Variants in LYST observed in about 807,000 individuals in gnomAD.
The protein encoded by LYST is lysosomal trafficking regulator, also known as lysosomal-trafficking regulator.
In LYST, 192 loss-of-function variants were observed where a neutral mutation model predicts 413.6. That is an observed-to-expected ratio of 0.46 (90% CI 0.41 to 0.52). The LOEUF is 0.52. Ranked by LOEUF, LYST falls within the 20% of genes least tolerant of loss-of-function variation. LYST has a pLI of 0.00. For synonymous variants in LYST, 1,525 were observed against 1,567.3 expected (o/e 0.97, Z 0.64); for missense variants, 3,815 against 4,499.9 (o/e 0.85, Z 4.35).
At chr1:235,857,498 T>C (rs1157004099) in intron 1 of LYST, among the ~76,000 whole-genome samples, 1 of 151,754 alleles carries the variant, frequency 6.6e-6, no homozygotes, top group Non-Finnish European at 1.5e-5. Context: ...AGCTTAGAAA[T>C]AGATGAGATC....
In LYST at chr1:235,810,251, A is replaced by G. The variant is rs1362701710; in HGVS notation, c.567T>C (p.His189=). 5 of 1,614,136 alleles carry G rather than the reference A, an allele frequency of 3.1e-6. No individual in the cohort carries two copies. The South Asian group carries it at 5.5e-5, about 18-fold the overall frequency. The stretch of plus-strand genomic sequence containing the variant: ...GTTTAGGAAACGATGTTAAAAAATG[A>G]TGCAGCAGATGGGGCCTTCTATGCT... The part of the protein sequence containing the change: ...MNKHRRPHLL[H]HFLTSFPKQD... The change falls in exon 5 of 53, where the codon CAT becomes CAC. Residue 189 remains histidine, a synonymous_variant. Coordinates refer to ENST00000389793, the MANE Select transcript of LYST (RefSeq NM_000081.4).
intron 14 of LYST, among the ~76,000 whole-genome samples, chr1:235,786,074 T>G (rs1246252144): frequency 1.3e-5 from 2 of 152,230 alleles, no homozygotes; most frequent in African/African-American, 4.8e-5. Context: ...AGCCACTTAA[T>G]TTAAATAATT....
chr1:235,762,492 G>A (rs1667691674), intron 22 of LYST, among the ~76,000 whole-genome samples: 1 of 152,164 alleles, frequency 6.6e-6, no homozygotes, highest in Non-Finnish European at 1.5e-5. Flanking sequence ...TAAATCAGAA[G>A]CTTGATGAAA....
intron 1 of LYST, among the ~76,000 whole-genome samples, chr1:235,874,686 A>C (rs1681065855): frequency 6.6e-6 from 1 of 152,224 alleles, no homozygotes; most frequent in Non-Finnish European, 1.5e-5. Context: ...TGGAGAATTT[A>C]AATAATCTTC....
intron 23 of LYST, 71 bp from the exon 24 acceptor site, chr1:235,757,529 G>T: frequency 9.0e-7 from 1 of 1,113,592 alleles, no homozygotes; most frequent in South Asian, 1.2e-5. Flanking sequence ...TAGGAACTGT[G>T]ACAAGTAGTA....
At chr1:235,723,335 T>C (rs937597603) in intron 39 of LYST, among the ~76,000 whole-genome samples, 1 of 152,134 alleles carries the variant, frequency 6.6e-6, no homozygotes, top group African/African-American at 2.4e-5. Context: ...GACATAAATG[T>C]GTAAGTTGTT....
Position 235,810,193 on chromosome 1 carries a change from C to T in LYST, c.625G>A (p.Ala209Thr). Residue 209 changes from alanine (A) to threonine (T), a missense_variant, in exon 5 of 53, where the codon GCA (alanine) becomes ACA (threonine). Coordinates refer to ENST00000389793, the MANE Select transcript of LYST (RefSeq NM_000081.4). Reference protein sequence around the residue: ...DHPKAKLDRLATKEQTPPDAM... With the variant: ...DHPKAKLDRLTTKEQTPPDAM... ...TCTGGAGGAGTCTGTTCTTTGGTTG[C>T]TAAGCGGTCAAGTTTAGCTTTGGGG... 6.2e-7 allele frequency: 1 copy of T among 1,614,108 alleles called. No homozygotes were observed. The highest frequency in any genetic ancestry group is 8.5e-7 in the Non-Finnish European group (1 of 1,179,980).
At chr1:235,849,171 G>T (rs1255958213) in intron 1 of LYST, among the ~76,000 whole-genome samples, 1 of 152,122 alleles carries the variant, frequency 6.6e-6, no homozygotes, top group Non-Finnish European at 1.5e-5. Flanking sequence ...AATCCACCAT[G>T]ATCAAGTGGG....
intron 3 of LYST, among the ~76,000 whole-genome samples, chr1:235,820,230 C>T (rs1644505725): frequency 6.6e-6 from 1 of 152,188 alleles, no homozygotes; most frequent in Admixed American, 6.5e-5. Flanking sequence ...GCTGAGATCA[C>T]AAACCGGACT....
At position 235,806,778 on chromosome 1, in the gene LYST, A is replaced by G; in HGVS notation, c.2364-6T>C. ...AAAACAAATCTCTTATTACCCTGTG[A>G]AAGAAAAAAAGCATGTAAAAAGGTT... On this transcript the variant is annotated splice_polypyrimidine_tract_variant and splice_region_variant and intron_variant, in intron 5 of 52. Coordinates refer to ENST00000389793, the MANE Select transcript of LYST (RefSeq NM_000081.4). 6.3e-7 allele frequency: 1 copy of G among 1,590,726 alleles called. No individual in the cohort carries two copies. The highest frequency in any genetic ancestry group is 8.6e-7 in the Non-Finnish European group (1 of 1,159,552).
intron 38 of LYST, among the ~76,000 whole-genome samples, chr1:235,724,680 C>T (rs1369940335): frequency 6.6e-6 from 1 of 152,228 alleles, no homozygotes; most frequent in Non-Finnish European, 1.5e-5. Flanking sequence ...ACTCATCCCT[C>T]CTTTCCTCTC....
rs6660314 is a variant in LYST at position 235,760,889 on chromosome 1, T to C, written c.6254-1290A>G. Among the ~76,000 whole-genome samples, 971 of 152,356 alleles carry C rather than the reference T, an allele frequency of 6.4e-3. 8 individuals are homozygous for C. Among genetic ancestry groups the C allele is most frequent in the African/African-American group, 0.022 (922 of 41,588 alleles). On this transcript the variant is annotated intron_variant, in intron 22 of 52. Coordinates refer to ENST00000389793, the MANE Select transcript of LYST (RefSeq NM_000081.4). Reference sequence around the variant, plus strand: ...GATCTGGAAAAAATGGGGGTATGATTGTATTTGAAAATGTTTCAACATGAC... The same window carrying C: ...GATCTGGAAAAAATGGGGGTATGATCGTATTTGAAAATGTTTCAACATGAC...
intron 1 of LYST, among the ~76,000 whole-genome samples, chr1:235,849,803 G>T: frequency 7.3e-6 from 1 of 137,614 alleles, no homozygotes; most frequent in African/African-American, 2.7e-5. Context: ...AAAAAACTTA[G>T]GAAGACACCT....
chr1:235,875,604 T>G (rs1012045538), intron 1 of LYST, among the ~76,000 whole-genome samples: 3 of 152,180 alleles, frequency 2.0e-5, no homozygotes, highest in Non-Finnish European at 4.4e-5. Flanking sequence ...ACTGCTTGGT[T>G]GTCTAAATTA....
At chr1:235,723,495 C>T (rs564012943) in intron 39 of LYST, among the ~76,000 whole-genome samples, 15 of 152,120 alleles carry the variant, frequency 9.9e-5, no homozygotes, top group African/African-American at 3.6e-4. Context: ...AAATGGTAAC[C>T]CAGAAGCCCA....
chr1:235,784,367 T>C (rs1670192382), intron 14 of LYST, among the ~76,000 whole-genome samples: 1 of 152,192 alleles, frequency 6.6e-6, no homozygotes, highest in African/African-American at 2.4e-5. Context: ...GAGTGATATG[T>C]GAATCAAGTG....
At chr1:235,705,655 G>C (rs938516372) in intron 44 of LYST, among the ~76,000 whole-genome samples, 1 of 152,008 alleles carries the variant, frequency 6.6e-6, no homozygotes, top group Non-Finnish European at 1.5e-5. Flanking sequence ...CAGAGCATTT[G>C]GGTTATAGGC....
Position 235,755,660 on chromosome 1 carries a change from T to C in LYST, c.7060-13A>G, listed in dbSNP as rs1400061205. 6.9e-7 allele frequency: 1 copy of C among 1,447,680 alleles called. No individual in the cohort carries two copies. Among genetic ancestry groups the C allele is most frequent in the South Asian group, 1.1e-5 (1 of 87,546 alleles). 89.7% of individuals were successfully genotyped at this position (1,447,680 alleles called of 1,614,324 possible). A position where few individuals can be genotyped will look rare whatever the true frequency, so the allele number is the denominator to read the frequency against. On this transcript the variant is annotated splice_polypyrimidine_tract_variant and intron_variant, in intron 24 of 52. Transcript: ENST00000389793. ...ATGCATCTAATAGCTAAACAAAAAATTTAAGTCAATTTAGATAATGCATTA... is the reference window on the plus strand; with the variant it reads ...ATGCATCTAATAGCTAAACAAAAAACTTAAGTCAATTTAGATAATGCATTA...
In LYST at chr1:235,781,968, A is replaced by G; in HGVS notation, c.4982T>C (p.Leu1661Ser). Residue 1661 changes from leucine (L) to serine (S), a missense_variant, in exon 15 of 53, where the codon TTG becomes TCG. Coordinates refer to ENST00000389793, the MANE Select transcript of LYST (RefSeq NM_000081.4). ...ATTTCCCAGGTCCCATTTTCCAGCCAACTGCAAAAACTCTTCTTGGGATGA... is the reference window on the plus strand; with the variant it reads ...ATTTCCCAGGTCCCATTTTCCAGCCGACTGCAAAAACTCTTCTTGGGATGA... ...CLSSQEEFLQLAGKWDLGNLL... is the reference protein window; with the variant it reads ...CLSSQEEFLQSAGKWDLGNLL... 6.2e-7 allele frequency: 1 copy of G among 1,613,904 alleles called. No individual in the cohort carries two copies. The highest frequency in any genetic ancestry group is 8.5e-7 in the Non-Finnish European group (1 of 1,179,838).
Sources: allele counts gnomAD v4.1 joint callset (sites outside exome capture counted in the v4.1 genomes callset), GRCh38; gene constraint gnomAD v4.1.1; transcripts MANE v1.5; gene names NCBI Gene and HGNC (gene_info 2026-07-23, HGNC 2026-07-21).